Variants in ADAP1 observed in about 807,000 individuals in gnomAD.
ADAP1 encodes arf-GAP with dual PH domain-containing protein 1.
A neutral mutation model predicts 54.9 loss-of-function variants in ADAP1; 31 were observed. The ratio of observed to expected loss-of-function variants is 0.56; its 90% CI spans 0.42 to 0.76. The LOEUF (loss-of-function observed/expected upper bound fraction) is 0.76. Among genes scored for constraint, ADAP1 ranks in the 30% least tolerant of loss-of-function variants. The pLI is 0.00. For missense variants in ADAP1, 535 were observed against 512.4 expected, an observed-to-expected ratio of 1.04 and a Z score of -0.42; for synonymous variants, 313 against 202.6, an observed-to-expected ratio of 1.55 and a Z score of -4.63.
chr7:935,122 T>G, intron 2 of ADAP1: 1 of 632,108 alleles, frequency 1.6e-6, no homozygotes, highest in Non-Finnish European at 3.0e-6. Context: ...CGACCCGCCT[T>G]CGCTCCCTGG....
intron 4 of ADAP1, among the ~76,000 whole-genome samples, chr7:919,093 C>T (rs1366579813): frequency 1.3e-5 from 2 of 152,228 alleles, no homozygotes; most frequent in Non-Finnish European, 2.9e-5. Flanking sequence ...CCCCGCCAGC[C>T]CACGAAGCTC....
intron 4 of ADAP1, among the ~76,000 whole-genome samples, chr7:915,859 C>A (rs1845912649): frequency 6.6e-6 from 1 of 152,026 alleles, no homozygotes; most frequent in Admixed American, 6.6e-5. Context: ...AACCCAGAAC[C>A]CGCGCCCACT....
At position 920,198 on chromosome 7, in the gene ADAP1, A is replaced by C. The variant is rs1337316465; in HGVS notation, c.306-148T>G. ...CGCCCCTCTGGGCACAAGATCCCGGAAGAAATGCAGGGTCAGCCTCCTGCC... is the reference window on the plus strand; with the variant it reads ...CGCCCCTCTGGGCACAAGATCCCGGCAGAAATGCAGGGTCAGCCTCCTGCC... On this transcript the variant is annotated intron_variant, in intron 3 of 10. Transcript: ENST00000265846. This position sits in a 1 kb window ranked among gnomAD's most constrained non-coding sequence, Gnocchi z 4.5. 1.6e-6 allele frequency: 1 copy of C among 642,934 alleles called. No homozygotes were observed. Among genetic ancestry groups the C allele is most frequent in the Non-Finnish European group, 2.7e-6 (1 of 375,018 alleles). 39.8% of individuals were successfully genotyped at this position (642,934 alleles called of 1,614,324 possible).
Position 913,792 on chromosome 7 carries a change from G to A in ADAP1, c.388+6176C>T, listed in dbSNP as rs113664567. Reference sequence around the variant, plus strand: ...TCTACTAAAAATATAAAAATTAGCCGGGCGTGGTGGGGGGCGCCTGTAGTC... The same window carrying A: ...TCTACTAAAAATATAAAAATTAGCCAGGCGTGGTGGGGGGCGCCTGTAGTC... On this transcript the variant is annotated intron_variant, in intron 4 of 10. Coordinates refer to ENST00000265846, the MANE Select transcript of ADAP1 (RefSeq NM_006869.4). Among the ~76,000 whole-genome samples the A allele has an allele frequency of 8.6e-3, 1,309 of 152,138 alleles. 23 individuals carry two copies. Among genetic ancestry groups the A allele is most frequent in the African/African-American group, 0.029 (1,219 of 41,518 alleles).
chr7:929,933 G>A (rs1038239969), intron 2 of ADAP1, among the ~76,000 whole-genome samples: 24 of 151,558 alleles, frequency 1.6e-4, no homozygotes, highest in Middle Eastern at 6.8e-3. Context: ...TGAGACCCCC[G>A]TCTCTACAAA....
At chr7:904,774 G>A (rs1237048778) in intron 5 of ADAP1, among the ~76,000 whole-genome samples, 1 of 152,240 alleles carries the variant, frequency 6.6e-6, no homozygotes, top group African/African-American at 2.4e-5. Context: ...GGCTCCAGAG[G>A]GGCCCAGTGA....
chr7:928,902 G>A (rs117344976), intron 2 of ADAP1, among the ~76,000 whole-genome samples: 2,163 of 152,344 alleles, frequency 0.014, 25 homozygotes, highest in Non-Finnish European at 0.023. Context: ...CACATTCTTC[G>A]TGACAGCTGA....
intron 8 of ADAP1, 81 bp from the exon 9 acceptor site, chr7:899,571 G>A (rs567263643): frequency 3.3e-4 from 488 of 1,496,920 alleles, no homozygotes; most frequent in Non-Finnish European, 4.2e-4. Flanking sequence ...ACCCCGGAGG[G>A]CAGGGCCCAG....
intron 1 of ADAP1, 116 bp from the exon 2 acceptor site, chr7:935,621 A>G: frequency 1.5e-6 from 2 of 1,308,402 alleles, no homozygotes; most frequent in African/African-American, 1.5e-5. Flanking sequence ...TTCAGCGGAG[A>G]CCCCCGGGTA....
At chr7:944,921 T>C (rs943641255) in intron 1 of ADAP1, among the ~76,000 whole-genome samples, 3 of 150,962 alleles carry the variant, frequency 2.0e-5, no homozygotes, top group African/African-American at 7.4e-5. Context: ...TGACTCTGGG[T>C]GACTCTGGGC....
chr7:926,903 T>C lies in ADAP1; in HGVS notation c.214-259A>G. 2 of 1,102,802 alleles carry C rather than the reference T, an allele frequency of 1.8e-6. No homozygotes were observed. The highest frequency in any genetic ancestry group is 1.8e-5 in the South Asian group (1 of 55,012). 68.3% of individuals were successfully genotyped at this position (1,102,802 alleles called of 1,614,324 possible). Reference sequence around the variant, plus strand: ...AAAGGGGGCCCAGGGGCCAGGCCCCTTTTGAGGATGGGTCTGAGGTTTGCC... The same window carrying C: ...AAAGGGGGCCCAGGGGCCAGGCCCCCTTTGAGGATGGGTCTGAGGTTTGCC... On this transcript the variant is annotated intron_variant, in intron 2 of 10. Transcript: ENST00000265846. The surrounding 1 kb of genome is among the most constrained non-coding windows in gnomAD (Gnocchi z 4.6).
rs1014454639 is a variant in ADAP1, at chr7:905,250, G to C, written c.389-78C>G. Reference sequence around the variant, plus strand: ...AAAAGGAGTGACGATGGACAGGACAGAGGGGACATGGGGAGAAGACACGGG... The same window carrying C: ...AAAAGGAGTGACGATGGACAGGACACAGGGGACATGGGGAGAAGACACGGG... On this transcript the variant is annotated intron_variant, in intron 4 of 10. Transcript: ENST00000265846. 2.1e-5 allele frequency: 22 copies of C among 1,062,944 alleles called. No individual in the cohort carries two copies. In the African/African-American group the frequency reaches 2.3e-4, roughly 11 times the overall value. The allele number at this position is 1,062,944 out of a possible 1,614,324, so 65.8% of individuals were successfully genotyped here.
intron 2 of ADAP1, chr7:927,534 C>G (rs1045443517): frequency 1.5e-5 from 7 of 469,586 alleles, no homozygotes; most frequent in Non-Finnish European, 3.1e-5. Context: ...GACTGAAGTC[C>G]CCTGACATCA....
At chr7:906,941 C>T (rs1255943149) in intron 4 of ADAP1, among the ~76,000 whole-genome samples, 2 of 152,128 alleles carry the variant, frequency 1.3e-5, no homozygotes, top group Non-Finnish European at 1.5e-5. Flanking sequence ...CTGTCCTTTA[C>T]TGGCCCCCAG....
Position 898,161 on chromosome 7 carries a change from G to C in ADAP1, c.*760C>G, listed in dbSNP as rs1191842707. 6.6e-6 allele frequency: 1 copy of C among 152,418 alleles called. No homozygotes were observed. Among genetic ancestry groups the C allele is most frequent in the Non-Finnish European group, 1.5e-5 (1 of 68,188 alleles). 9.4% of individuals were successfully genotyped at this position (152,418 alleles called of 1,614,324 possible). A position where few individuals can be genotyped will look rare whatever the true frequency, so the allele number is the denominator to read the frequency against. ...ATAGGTGAAAAATAAATACACGGCTGGGCCGCCTGCAGCAAGCGCGACAGT... is the reference window on the plus strand; with the variant it reads ...ATAGGTGAAAAATAAATACACGGCTCGGCCGCCTGCAGCAAGCGCGACAGT... On this transcript the variant is annotated 3_prime_UTR_variant, in exon 11 of 11. Transcript: ENST00000265846.
intron 1 of ADAP1, among the ~76,000 whole-genome samples, chr7:939,830 C>CAAA (rs569332179): frequency 2.0e-5 from 2 of 102,324 alleles, no homozygotes; most frequent in African/African-American, 3.6e-5. Flanking sequence ...GACTTTGTCT[C>CAAA]AAAAAAAAAA....
In ADAP1 at chr7:919,948, C is replaced by T. The variant is rs780122048; in HGVS notation, c.388+20G>A. ...AGGGAGAGGTAGCCGGGAGGCCCCA[C>T]CCCACCCGGGTGGCCTCACCTGCCG... On this transcript the variant is annotated intron_variant, in intron 4 of 10. Transcript: ENST00000265846. 2.5e-6 allele frequency: 4 copies of T among 1,591,378 alleles called. No homozygotes were observed. Among genetic ancestry groups the T allele is most frequent in the Middle Eastern group, 1.7e-4 (1 of 5,932 alleles).
At chr7:910,424 A>AT (rs1292234107) in intron 4 of ADAP1, among the ~76,000 whole-genome samples, 2 of 151,902 alleles carry the variant, frequency 1.3e-5, no homozygotes, top group Admixed American at 6.6e-5. Context: ...TAAGTTCTGT[A>AT]TTTTTTTGTA....
At chr7:942,925 A>G (rs1847004848) in intron 1 of ADAP1, among the ~76,000 whole-genome samples, 1 of 16,346 alleles carries the variant, frequency 6.1e-5, no homozygotes, top group Non-Finnish European at 1.1e-4. Flanking sequence ...GAGGAGGAGG[A>G]AGGGAGTGAG....
Sources: gnomAD v4.1 joint callset for allele counts (sites outside exome capture counted in the v4.1 genomes callset) on GRCh38, gnomAD v4.1.1 for gene constraint, Gnocchi (gnomAD v3.1) non-coding constraint, MANE v1.5 for transcripts, NCBI Gene and HGNC (gene_info 2026-07-23, HGNC 2026-07-21) for gene names.